Variants in JAKMIP1 observed in about 807,000 individuals in gnomAD.
JAKMIP1 encodes the protein janus kinase and microtubule interacting protein 1, also known as janus kinase and microtubule-interacting protein 1.
JAKMIP1 carries 33 observed loss-of-function variants against 113.0 expected under a neutral mutation model. The observed-to-expected ratio is 0.29, with a 90% CI of 0.22 to 0.39. The LOEUF (loss-of-function observed/expected upper bound fraction) is 0.39. JAKMIP1 is among the 10% of genes least tolerant of loss of function. JAKMIP1 has a pLI of 1.00. For synonymous variants in JAKMIP1, 480 were observed against 459.9 expected, an observed-to-expected ratio of 1.04 and a Z score of -0.56; for missense variants, 813 against 1,080.5, an observed-to-expected ratio of 0.75 and a Z score of 3.47.
Position 6,049,200 on chromosome 4 carries a change from T to C in JAKMIP1, c.1963-278A>G, listed in dbSNP as rs1274639355. On this transcript the variant is annotated intron_variant, in intron 15 of 20. Coordinates refer to ENST00000409021, the MANE Select transcript of JAKMIP1 (RefSeq NM_001099433.2). The surrounding 1 kb of genome is among the most constrained non-coding windows in gnomAD (Gnocchi z 7.0). Reference sequence around the variant, plus strand: ...TGGGATGCACACCACCACACCTGGATAGTTTTTGTATTTTTAGCAGAGACA... The same window carrying C: ...TGGGATGCACACCACCACACCTGGACAGTTTTTGTATTTTTAGCAGAGACA... Among the ~76,000 whole-genome samples the C allele has an allele frequency of 6.6e-6, 1 of 152,064 alleles. No homozygotes were observed. Among genetic ancestry groups the C allele is most frequent in the Non-Finnish European group, 1.5e-5 (1 of 68,018 alleles).
rs1053726231 is a variant in JAKMIP1, at chr4:6,150,308, C to A, written c.-147-37311G>T. On this transcript the variant is annotated intron_variant, in intron 1 of 20. Coordinates refer to ENST00000409021, the MANE Select transcript of JAKMIP1 (RefSeq NM_001099433.2). This position sits in a 1 kb window ranked among gnomAD's most constrained non-coding sequence, Gnocchi z 4.8. ...TTCCCTCCCACCCAACCTCCCAGTA[C>A]AGAGAAGGAGAAACACCTCAGAGAA... 4 of 152,246 alleles carry A rather than the reference C, an allele frequency of 2.6e-5. No individual in the cohort carries two copies. Among genetic ancestry groups the A allele is most frequent in the Admixed American group, 6.5e-5 (1 of 15,274 alleles). The allele number at this position is 152,246 out of a possible 1,614,324, so 9.4% of individuals were successfully genotyped here.
intron 15 of JAKMIP1, 50 bp from the exon 16 acceptor site, chr4:6,048,972 C>A: frequency 7.1e-7 from 1 of 1,403,896 alleles, no homozygotes; most frequent in Non-Finnish European, 1.0e-6. Context: ...CCCAAATCCA[C>A]GTGCAGACAG....
chr4:6,122,334 A>G (rs1716834643), intron 1 of JAKMIP1, among the ~76,000 whole-genome samples: 1 of 152,156 alleles, frequency 6.6e-6, no homozygotes, highest in Admixed American at 6.5e-5. Context: ...TCAAATAGTA[A>G]TAATAATAAA....
In JAKMIP1 at chr4:6,116,493, C is replaced by T. The variant is rs1260367458; in HGVS notation, c.-147-3496G>A. On this transcript the variant is annotated intron_variant, in intron 1 of 20. Coordinates refer to ENST00000409021, the MANE Select transcript of JAKMIP1 (RefSeq NM_001099433.2). This position sits in a 1 kb window ranked among gnomAD's most constrained non-coding sequence, Gnocchi z 5.1. ...CTCAGAGAAGGCTCCTTCCTGAAGG[C>T]ACGGGGACCTTGGACCTGCTGACCC... Among the ~76,000 whole-genome samples, 3 of 152,166 alleles carry T rather than the reference C, an allele frequency of 2.0e-5. No homozygotes were observed. The highest frequency in any genetic ancestry group is 2.9e-5 in the Non-Finnish European group (2 of 68,036).
chr4:6,070,921 A>G (rs1718871393), intron 8 of JAKMIP1, among the ~76,000 whole-genome samples: 1 of 152,224 alleles, frequency 6.6e-6, no homozygotes, highest in South Asian at 2.1e-4. Context: ...CTCTCGGAGA[A>G]GCGTCACCAG....
chr4:6,170,695 C>T (rs1463262952), intron 1 of JAKMIP1, among the ~76,000 whole-genome samples: 3 of 150,172 alleles, frequency 2.0e-5, no homozygotes, highest in Non-Finnish European at 3.0e-5. Context: ...TGTCACCCTC[C>T]TTAACACCAT....
intron 5 of JAKMIP1, among the ~76,000 whole-genome samples, chr4:6,083,382 G>A (rs10937701): frequency 0.45 from 66,210 of 146,492 alleles, 15,712 homozygotes; most frequent in Admixed American, 0.61. Flanking sequence ...AAACCTGGGC[G>A]ACAGAGCAAG....
At chr4:6,175,281 T>C (rs560596379) in intron 1 of JAKMIP1, among the ~76,000 whole-genome samples, 2 of 152,164 alleles carry the variant, frequency 1.3e-5, no homozygotes, top group Non-Finnish European at 2.9e-5. Flanking sequence ...GGGACACAAG[T>C]AAGTGAGCTC....
chr4:6,062,394 C>T lies in JAKMIP1; in HGVS notation c.1478G>A (p.Arg493Gln), dbSNP rs143467433. ...EADLRFCQLT[R>Q]EYQALQRAYA... Reference sequence around the variant, plus strand: ...GGCGCGTTGCAGGGCCTGGTACTCCCGGGTCAGCTGGCAGAAGCGCAGGTC... The same window carrying T: ...GGCGCGTTGCAGGGCCTGGTACTCCTGGGTCAGCTGGCAGAAGCGCAGGTC... Residue 493 changes from arginine (R) to glutamine (Q), a missense_variant, in exon 10 of 21, where the codon CGG (arginine) becomes CAG (glutamine). Arg to Gln is a conservative substitution (Grantham distance 43, BLOSUM62 1). Coordinates refer to ENST00000409021, the MANE Select transcript of JAKMIP1 (RefSeq NM_001099433.2). 5.6e-6 allele frequency: 9 copies of T among 1,613,832 alleles called. No homozygotes were observed. The highest frequency in any genetic ancestry group is 2.5e-6 in the Non-Finnish European group (3 of 1,179,986).
chr4:6,107,004 TA>T (rs1714065443), intron 2 of JAKMIP1, among the ~76,000 whole-genome samples: 1 of 152,178 alleles, frequency 6.6e-6, no homozygotes, highest in African/African-American at 2.4e-5. Context: ...GATAAATCCT[TA>T]CTTAAAACAG....
At chr4:6,133,285 G>A (rs1284465097) in intron 1 of JAKMIP1, among the ~76,000 whole-genome samples, 1 of 152,206 alleles carries the variant, frequency 6.6e-6, no homozygotes, top group Non-Finnish European at 1.5e-5. Flanking sequence ...TGATAATGGG[G>A]ATGGTGACTT....
chr4:6,110,822 G>A (rs2108886161), intron 2 of JAKMIP1, among the ~76,000 whole-genome samples: 1 of 150,932 alleles, frequency 6.6e-6, no homozygotes, highest in Admixed American at 6.6e-5. Flanking sequence ...TGATATGAGT[G>A]AGCAGCTTTC....
At chr4:6,062,286 C>G (rs768937147) in intron 10 of JAKMIP1, 26 bp downstream of exon 10, 1 of 1,611,296 alleles carries the variant, frequency 6.2e-7, no homozygotes. Flanking sequence ...GCCCCTCCCT[C>G]GAGCCCTGAG....
At position 6,138,315 on chromosome 4, in the gene JAKMIP1, T is replaced by C. The variant is rs771653515; in HGVS notation, c.-147-25318A>G. Among the ~76,000 whole-genome samples, 15 of 152,152 alleles carry C rather than the reference T, an allele frequency of 9.9e-5. No individual in the cohort carries two copies. The highest frequency in any genetic ancestry group is 1.6e-4 in the Non-Finnish European group (11 of 68,028). On this transcript the variant is annotated intron_variant, in intron 1 of 20. Coordinates refer to ENST00000409021, the MANE Select transcript of JAKMIP1 (RefSeq NM_001099433.2). This position sits in a 1 kb window ranked among gnomAD's most constrained non-coding sequence, Gnocchi z 6.0. ...CAGGCTGGAGTGCAGTGGTGCAATA[T>C]TGGCTCACTGCAACCTCTGCCTCCT...
chr4:6,074,296 G>A (rs1199107655), intron 8 of JAKMIP1, among the ~76,000 whole-genome samples: 5 of 152,208 alleles, frequency 3.3e-5, no homozygotes, highest in African/African-American at 1.2e-4. Context: ...GTGTGGGAGT[G>A]GACTGGAGGC....
In JAKMIP1 at chr4:6,086,439, G is replaced by C. The variant is rs1411079265; in HGVS notation, c.625-810C>G. Among the ~76,000 whole-genome samples the C allele has an allele frequency of 6.6e-6, 1 of 151,598 alleles. No individual in the cohort carries two copies. Among genetic ancestry groups the C allele is most frequent in the Admixed American group, 6.6e-5 (1 of 15,234 alleles). ...GACACCTCTGCTTGGATCTCGGAGG[G>C]ACCACAGCCTCTCCACGTACAAACC... On this transcript the variant is annotated intron_variant, in intron 3 of 20. Coordinates refer to ENST00000409021, the MANE Select transcript of JAKMIP1 (RefSeq NM_001099433.2). This position sits in a 1 kb window ranked among gnomAD's most constrained non-coding sequence, Gnocchi z 4.1.
intron 1 of JAKMIP1, among the ~76,000 whole-genome samples, chr4:6,189,174 G>C (rs1393061432): frequency 6.6e-6 from 1 of 152,178 alleles, no homozygotes; most frequent in Non-Finnish European, 1.5e-5. Flanking sequence ...GTGACCTTCC[G>C]GGACCACAGG....
rs954265529 is a variant in JAKMIP1 at position 6,137,098 on chromosome 4, C to T, written c.-147-24101G>A. 6.6e-6 allele frequency among the ~76,000 whole-genome samples: 1 copy of T among 152,170 alleles called. No individual in the cohort carries two copies. Among genetic ancestry groups the T allele is most frequent in the African/African-American group, 2.4e-5 (1 of 41,454 alleles). The stretch of plus-strand genomic sequence containing the variant: ...GATGTGCCCCCACCGAGGGAATAAT[C>T]ACTCTTCCTCCTCAACACCCCCTCC... On this transcript the variant is annotated intron_variant, in intron 1 of 20. Coordinates refer to ENST00000409021, the MANE Select transcript of JAKMIP1 (RefSeq NM_001099433.2). This position sits in a 1 kb window ranked among gnomAD's most constrained non-coding sequence, Gnocchi z 4.5.
In JAKMIP1 at chr4:6,186,795, G is replaced by A. The variant is rs1250198776; in HGVS notation, c.-148+13458C>T. Among the ~76,000 whole-genome samples, 1 of 152,080 alleles carries A rather than the reference G, an allele frequency of 6.6e-6. No individual in the cohort carries two copies. Among genetic ancestry groups the A allele is most frequent in the Non-Finnish European group, 1.5e-5 (1 of 68,008 alleles). On this transcript the variant is annotated intron_variant, in intron 1 of 20. Transcript: ENST00000409021. This position sits in a 1 kb window ranked among gnomAD's most constrained non-coding sequence, Gnocchi z 5.5. The stretch of plus-strand genomic sequence containing the variant: ...GTTGACATATTCAACTATTGTTGTT[G>A]AATTATCTATTTCTCCCTTCACTTC...
Sources: allele counts gnomAD v4.1 joint callset (sites outside exome capture counted in the v4.1 genomes callset), GRCh38; gene constraint gnomAD v4.1.1; non-coding constraint Gnocchi (gnomAD v3.1); transcripts MANE v1.5; gene names NCBI Gene and HGNC (gene_info 2026-07-23, HGNC 2026-07-21).